UBA2: variants seen among roughly 807,000 people sequenced by gnomAD.
The protein encoded by UBA2 is ubiquitin like modifier activating enzyme 2, also known as SUMO-activating enzyme subunit 2.
UBA2 carries 11 observed loss-of-function variants against 77.2 expected under a neutral mutation model. The ratio of observed to expected loss-of-function variants is 0.14; its 90% CI spans 0.09 to 0.24. UBA2 has a LOEUF of 0.24. UBA2 is among the 10% of genes least tolerant of loss of function. The pLI is 1.00. For missense variants in UBA2, 487 were observed against 781.7 expected (o/e 0.62, Z 4.50); for synonymous variants, 278 against 276.7 (o/e 1.00, Z -0.05).
intron 1 of UBA2, chr19:34,429,141 G>C: frequency 1.0e-6 from 1 of 983,688 alleles, no homozygotes; most frequent in Non-Finnish European, 1.2e-6. Flanking sequence ...GACGCAATGG[G>C]GTTGAGTAAC....
intron 7 of UBA2, 82 bp downstream of exon 7, chr19:34,443,993 A>G (rs17379565): frequency 0.078 from 71,122 of 907,812 alleles, 4,184 homozygotes; most frequent in African/African-American, 0.22. Context: ...TTAAGGGAAA[A>G]AAATTGCTAT....
chr19:34,433,982 G>A (rs988973797), intron 4 of UBA2, among the ~76,000 whole-genome samples: 1 of 152,134 alleles, frequency 6.6e-6, no homozygotes, highest in Admixed American at 6.5e-5. Flanking sequence ...TGTGACTGGA[G>A]GGTGGGGTGG....
chr19:34,457,179 A>AATATATAT lies in UBA2; in HGVS notation c.1246-1562_1246-1555dup, dbSNP rs766043321. Among the ~76,000 whole-genome samples the AATATATAT allele has an allele frequency of 1.3e-3, 70 of 53,210 alleles. 3 individuals are homozygous for AATATATAT. Among genetic ancestry groups the AATATATAT allele is most frequent in the African/African-American group, 5.5e-3 (47 of 8,520 alleles). The allele number at this position is 53,210 out of a possible 152,430, so 34.9% of individuals were successfully genotyped here. A position where few individuals can be genotyped will look rare whatever the true frequency, so the allele number is the denominator to read the frequency against. ...CCTGGTCTCTACTAAAAAAAAAAAA[A>AATATATAT]ATATATATATATATATATATATATA... On this transcript the variant is annotated intron_variant, in intron 12 of 16. Coordinates refer to ENST00000246548, the MANE Select transcript of UBA2 (RefSeq NM_005499.3).
At chr19:34,451,494 GTACT>G (rs1284755641) in intron 9 of UBA2, among the ~76,000 whole-genome samples, 1 of 147,442 alleles carries the variant, frequency 6.8e-6, no homozygotes, top group Non-Finnish European at 1.5e-5. Flanking sequence ...ATCCTATGAG[GTACT>G]GAGGTGGTCT....
chr19:34,447,245 A>G (rs2075442076), intron 8 of UBA2, among the ~76,000 whole-genome samples: 4 of 152,142 alleles, frequency 2.6e-5, no homozygotes, highest in African/African-American at 9.7e-5. Context: ...TCTGGCCTCA[A>G]TGGCAGCTGA....
rs558883925 is a variant in UBA2, at chr19:34,434,834, T to C, written c.359-34T>C. On this transcript the variant is annotated intron_variant, in intron 4 of 16. Transcript: ENST00000246548. The stretch of plus-strand genomic sequence containing the variant: ...AATTAAAGATAACTAATTTTTTTTT[T>C]CCCAAAAACTCATACTGTTTGTTTT... The C allele has an allele frequency of 9.3e-5, 141 of 1,510,668 alleles. 1 individual carries two copies. Among genetic ancestry groups the C allele is most frequent in the East Asian group, 7.5e-4 (32 of 42,586 alleles). 93.6% of individuals were successfully genotyped at this position (1,510,668 alleles called of 1,614,324 possible).
chr19:34,437,253 C>T (rs539044099), intron 5 of UBA2, among the ~76,000 whole-genome samples: 28 of 151,024 alleles, frequency 1.9e-4, no homozygotes, highest in African/African-American at 6.1e-4. Flanking sequence ...TGAGCCACCA[C>T]GCCCGGCCAG....
At chr19:34,429,326 A>G in intron 1 of UBA2, 2 of 860,850 alleles carry the variant, frequency 2.3e-6, no homozygotes, top group Non-Finnish European at 2.8e-6. Flanking sequence ...ACTAATGCAA[A>G]CTTTTTAGAG....
At chr19:34,461,713 T>C (rs1443647413) in intron 14 of UBA2, among the ~76,000 whole-genome samples, 2 of 152,180 alleles carry the variant, frequency 1.3e-5, no homozygotes, top group Non-Finnish European at 2.9e-5. Flanking sequence ...TGGGTATTCA[T>C]AAGTCAAGGA....
chr19:34,453,692 A>C (rs912139651), intron 10 of UBA2, among the ~76,000 whole-genome samples: 1 of 151,524 alleles, frequency 6.6e-6, no homozygotes, highest in Admixed American at 6.6e-5. Context: ...ATGCCTGGCT[A>C]ATTTTTTGTG....
intron 3 of UBA2, 181 bp downstream of exon 3, chr19:34,432,112 T>C: frequency 2.2e-6 from 1 of 455,962 alleles, no homozygotes. Context: ...TTGAATGATT[T>C]AGAATGGTGA....
chr19:34,458,531 A>G (rs1231582846), intron 12 of UBA2, among the ~76,000 whole-genome samples: 1 of 122,978 alleles, frequency 8.1e-6, no homozygotes, highest in African/African-American at 3.1e-5. Context: ...ACTGCACTCC[A>G]GCCTGGGCGA....
chr19:34,430,070 T>C (rs1369395310), intron 1 of UBA2: 2 of 152,184 alleles, frequency 1.3e-5, no homozygotes, highest in Non-Finnish European at 2.9e-5. Flanking sequence ...GCCACCTAAT[T>C]TTATTTTTTC....
intron 8 of UBA2, among the ~76,000 whole-genome samples, chr19:34,447,641 CAG>C (rs1297740836): frequency 6.6e-6 from 1 of 152,206 alleles, no homozygotes; most frequent in Non-Finnish European, 1.5e-5. Context: ...AGACAGAAGA[CAG>C]AGTCCTTGCT....
Position 34,464,181 on chromosome 19 carries a change from C to T in UBA2, c.1604+50C>T, listed in dbSNP as rs190175073. The T allele has an allele frequency of 8.0e-6, 10 of 1,245,632 alleles. No homozygotes were observed. The East Asian group carries it at 2.0e-4, about 24-fold the overall frequency. 77.2% of individuals were successfully genotyped at this position (1,245,632 alleles called of 1,614,324 possible). On this transcript the variant is annotated intron_variant, in intron 15 of 16. Transcript: ENST00000246548. ...GTAAGAAATTATTTGAATATATAAA[C>T]TTTAGACAAAATGAAGGAAAAGTGT...
intron 8 of UBA2, 52 bp from the exon 9 acceptor site, chr19:34,450,213 T>C: frequency 7.8e-7 from 1 of 1,285,422 alleles, no homozygotes; most frequent in East Asian, 2.4e-5. Flanking sequence ...TTTTCTTGTA[T>C]CTTATCAATT....
chr19:34,437,632 A>G lies in UBA2; in HGVS notation c.460-1013A>G, dbSNP rs947805274. On this transcript the variant is annotated intron_variant, in intron 5 of 16. Coordinates refer to ENST00000246548, the MANE Select transcript of UBA2 (RefSeq NM_005499.3). Reference sequence around the variant, plus strand: ...TCAGACAAAAAGAAAAAAAGAAGAGACTGAGGTTAGGAATATCTGAGATAA... The same window carrying G: ...TCAGACAAAAAGAAAAAAAGAAGAGGCTGAGGTTAGGAATATCTGAGATAA... Among the ~76,000 whole-genome samples the G allele has an allele frequency of 1.6e-4, 24 of 152,074 alleles. 1 individual carries two copies. Among genetic ancestry groups the G allele is most frequent in the Non-Finnish European group, 2.9e-5 (2 of 68,022 alleles).
At chr19:34,429,694 G>C (rs1311284004) in intron 1 of UBA2, among the ~76,000 whole-genome samples, 1 of 151,856 alleles carries the variant, frequency 6.6e-6, no homozygotes, top group East Asian at 2.0e-4. Flanking sequence ...AAATTAGCGG[G>C]GCGTGGTGGT....
intron 2 of UBA2, among the ~76,000 whole-genome samples, chr19:34,431,594 T>C (rs113731177): frequency 3.3e-5 from 5 of 152,330 alleles, no homozygotes; most frequent in African/African-American, 1.2e-4. Context: ...CTTCATGTTG[T>C]ATTTTTGCTG....
Sources: gnomAD v4.1 joint callset for allele counts (sites outside exome capture counted in the v4.1 genomes callset) on GRCh38, gnomAD v4.1.1 for gene constraint, MANE v1.5 for transcripts, NCBI Gene and HGNC (gene_info 2026-07-23, HGNC 2026-07-21) for gene names.